CROCC2: variants seen among roughly 807,000 people sequenced by gnomAD.
The protein encoded by CROCC2 is ciliary rootlet coiled-coil protein 2.
A neutral mutation model predicts 177.6 loss-of-function variants in CROCC2; 163 were observed. The observed-to-expected ratio is 0.92, with a 90% CI of 0.81 to 1.05. CROCC2 has a LOEUF of 1.05. Ranked by LOEUF, CROCC2 falls within the 50% of genes least tolerant of loss-of-function variation. CROCC2 has a pLI of 0.00. For synonymous variants in CROCC2, 904 were observed against 787.3 expected, an observed-to-expected ratio of 1.15 and a Z score of -2.48; for missense variants, 1,929 against 1,797.8, an observed-to-expected ratio of 1.07 and a Z score of -1.32.
chr2:240,984,598 C>CCA (rs760104462), intron 28 of CROCC2, among the ~76,000 whole-genome samples: 6 of 24,546 alleles, frequency 2.4e-4, no homozygotes, highest in African/African-American at 1.1e-3. Flanking sequence ...GGCACTCACT[C>CCA]CACACACACC....
At chr2:240,919,902 T>C in intron 2 of CROCC2, 81 bp from the exon 3 acceptor site, 1 of 571,746 alleles carries the variant, frequency 1.7e-6, no homozygotes. Context: ...CAGCCCAGGG[T>C]CCCACCGTGG....
Position 240,907,514 on chromosome 2 carries a change from C to T in CROCC2, c.78+923C>T, listed in dbSNP as rs144706503. Among the ~76,000 whole-genome samples the T allele has an allele frequency of 3.5e-4, 53 of 152,254 alleles. 1 individual carries two copies. The highest frequency in any genetic ancestry group is 8.3e-4 in the South Asian group (4 of 4,826). The stretch of plus-strand genomic sequence containing the variant: ...CTCTTAGCATCTCAAAACTATGCCA[C>T]GGCAGGCTGACATGGCCCTATCCAA... On this transcript the variant is annotated intron_variant, in intron 1 of 31. Coordinates refer to ENST00000690015, the MANE Select transcript of CROCC2 (RefSeq NM_001351305.2).
chr2:240,985,734 ACACACACACCCAGGCAC>A (rs2059836504), intron 28 of CROCC2, among the ~76,000 whole-genome samples: 1 of 106,422 alleles, frequency 9.4e-6, no homozygotes, highest in Admixed American at 9.8e-5. Flanking sequence ...CACTCACTCC[ACACACACACCCAGGCAC>A]TCACTCCACA....
At chr2:240,915,252 A>G (rs1421106393) in intron 1 of CROCC2, among the ~76,000 whole-genome samples, 2 of 152,138 alleles carry the variant, frequency 1.3e-5, no homozygotes, top group African/African-American at 2.4e-5. Flanking sequence ...GCAGCCCTGA[A>G]ACCCCCGGTC....
chr2:240,928,409 G>A (rs975954863), intron 5 of CROCC2, among the ~76,000 whole-genome samples: 5 of 134,638 alleles, frequency 3.7e-5, no homozygotes, highest in African/African-American at 1.5e-4. Flanking sequence ...GCAGGGTCAT[G>A]TGTGCCTGTT....
intron 28 of CROCC2, 81 bp from the exon 29 acceptor site, chr2:240,988,652 AGGCAAC>A: frequency 7.9e-7 from 1 of 1,259,910 alleles, no homozygotes; most frequent in Non-Finnish European, 1.0e-6. Context: ...TCCTTCCCAG[AGGCAAC>A]CCTGTGCTCC....
In CROCC2 at chr2:240,972,629, T is replaced by C. The variant is rs1435783504; in HGVS notation, c.4401+4367T>C. Among the ~76,000 whole-genome samples, 1 of 151,904 alleles carries C rather than the reference T, an allele frequency of 6.6e-6. No individual in the cohort carries two copies. The highest frequency in any genetic ancestry group is 1.5e-5 in the Non-Finnish European group (1 of 68,010). Reference sequence around the variant, plus strand: ...GACATTGACCAGACCTTTGTCTGTATGCATTTTTCTGCTTGGTCTAGAATT... The same window carrying C: ...GACATTGACCAGACCTTTGTCTGTACGCATTTTTCTGCTTGGTCTAGAATT... On this transcript the variant is annotated intron_variant, in intron 27 of 31. Transcript: ENST00000690015. The surrounding 1 kb of genome is among the most constrained non-coding windows in gnomAD (Gnocchi z 7.1).
At position 240,949,167 on chromosome 2, in the gene CROCC2, C is replaced by G; in HGVS notation, c.2482+70C>G. ...ATGGAGGGGCCCCTGGAATGGAGCTCAGTGCCCACACGTGCTGCACCCCCT... is the reference window on the plus strand; with the variant it reads ...ATGGAGGGGCCCCTGGAATGGAGCTGAGTGCCCACACGTGCTGCACCCCCT... On this transcript the variant is annotated intron_variant, in intron 16 of 31. Transcript: ENST00000690015. This position sits in a 1 kb window ranked among gnomAD's most constrained non-coding sequence, Gnocchi z 4.5. 6.8e-7 allele frequency: 1 copy of G among 1,465,032 alleles called. No homozygotes were observed. The highest frequency in any genetic ancestry group is 2.5e-5 in the East Asian group (1 of 40,382). The allele number at this position is 1,465,032 out of a possible 1,614,324, so 90.8% of individuals were successfully genotyped here.
intron 13 of CROCC2, 36 bp downstream of exon 13, chr2:240,935,098 A>C: frequency 7.6e-7 from 1 of 1,323,808 alleles, no homozygotes; most frequent in Non-Finnish European, 9.7e-7. Flanking sequence ...CCTCGCTGGA[A>C]CCTGTTTCCC....
chr2:240,946,050 C>T lies in CROCC2; in HGVS notation c.2170-10C>T. The T allele has an allele frequency of 7.4e-6, 11 of 1,486,902 alleles. No individual in the cohort carries two copies. The highest frequency in any genetic ancestry group is 1.0e-5 in the Non-Finnish European group (11 of 1,103,888). The allele number at this position is 1,486,902 out of a possible 1,614,324, so 92.1% of individuals were successfully genotyped here. On this transcript the variant is annotated splice_polypyrimidine_tract_variant and intron_variant, in intron 14 of 31. Coordinates refer to ENST00000690015, the MANE Select transcript of CROCC2 (RefSeq NM_001351305.2). ...TTCTCTGCCGACTGTCCCCTCCCCACCTCCCCTAGGTCACATGCCAGAAAC... is the reference window on the plus strand; with the variant it reads ...TTCTCTGCCGACTGTCCCCTCCCCATCTCCCCTAGGTCACATGCCAGAAAC...
Position 240,933,858 on chromosome 2 carries a change from C to T in CROCC2, c.1646+6C>T, listed in dbSNP as rs762802138. ...TGCAGGGCACTGGAGACCAGGTGCG[C>T]GGCCGTGGCTGGGTGGGCAGGGCCC... On this transcript the variant is annotated splice_donor_region_variant and intron_variant, in intron 11 of 31. Coordinates refer to ENST00000690015, the MANE Select transcript of CROCC2 (RefSeq NM_001351305.2). The T allele has an allele frequency of 9.7e-5, 149 of 1,541,116 alleles. No individual in the cohort carries two copies. In the Middle Eastern group the frequency reaches 1.6e-3, roughly 17 times the overall value.
intron 26 of CROCC2, 23 bp downstream of exon 26, chr2:240,967,488 G>T: frequency 2.4e-6 from 2 of 824,296 alleles, no homozygotes; most frequent in Non-Finnish European, 3.9e-6. Context: ...GCCCTGCCCC[G>T]CCCACCCTGG....
intron 20 of CROCC2, chr2:240,963,270 T>G: frequency 2.1e-6 from 1 of 465,900 alleles, no homozygotes; most frequent in Non-Finnish European, 3.8e-6. Context: ...TTACCAGTGG[T>G]CAGCGTCCTG....
rs138093751 is a variant in CROCC2 at position 240,927,365 on chromosome 2, G to A, written c.645+1485G>A. On this transcript the variant is annotated intron_variant, in intron 5 of 31. Coordinates refer to ENST00000690015, the MANE Select transcript of CROCC2 (RefSeq NM_001351305.2). ...AAGTCAATATTCTTTAAACATTGCC[G>A]GGGCTCATCATCCATCTCCCCTCCT... Among the ~76,000 whole-genome samples the A allele has an allele frequency of 4.7e-4, 71 of 152,234 alleles. 1 individual carries two copies. In the East Asian group the frequency reaches 0.01, roughly 22 times the overall value.
rs1448407796 is a variant in CROCC2, at chr2:240,960,029, G to A, written c.3087+585G>A. On this transcript the variant is annotated intron_variant, in intron 20 of 31. Transcript: ENST00000690015. This position sits in a 1 kb window ranked among gnomAD's most constrained non-coding sequence, Gnocchi z 5.0. ...CTCCAGGAGTCCAGCCGGCCCCCTC[G>A]TTCCACGCACAGTTAAGAAAGTGGA... is the stretch of plus-strand genomic sequence containing the variant. Among the ~76,000 whole-genome samples, 5 of 152,256 alleles carry A rather than the reference G, an allele frequency of 3.3e-5. No homozygotes were observed. Among genetic ancestry groups the A allele is most frequent in the African/African-American group, 9.6e-5 (4 of 41,474 alleles).
In CROCC2 at chr2:240,958,308, C is replaced by A; in HGVS notation, c.2944-993C>A. The stretch of plus-strand genomic sequence containing the variant: ...GCACCCATCACTGGCAGTGTTGGGG[C>A]ATGCTGAGGCACAGAGCCATGGCCT... On this transcript the variant is annotated intron_variant, in intron 19 of 31. Transcript: ENST00000690015. The surrounding 1 kb of genome is among the most constrained non-coding windows in gnomAD (Gnocchi z 6.7). 1 of 554,768 alleles carries A rather than the reference C, an allele frequency of 1.8e-6. No homozygotes were observed. The highest frequency in any genetic ancestry group is 2.3e-6 in the Non-Finnish European group (1 of 436,224). The allele number at this position is 554,768 out of a possible 1,614,324, so 34.4% of individuals were successfully genotyped here.
intron 20 of CROCC2, among the ~76,000 whole-genome samples, chr2:240,961,165 C>T (rs2059630319): frequency 6.6e-6 from 1 of 152,288 alleles, no homozygotes; most frequent in South Asian, 2.1e-4. Flanking sequence ...GAAACCATAA[C>T]TTTTTCACAA....
At chr2:240,933,530 G>C (rs540891169) in intron 10 of CROCC2, 140 bp from the exon 11 acceptor site, 2 of 1,151,764 alleles carry the variant, frequency 1.7e-6, no homozygotes, top group Non-Finnish European at 2.4e-6. Context: ...CCGCCAGTGA[G>C]ACCCTGTCTG....
At chr2:240,951,086 TCCATCCAC>T (rs1372994144) in intron 18 of CROCC2, among the ~76,000 whole-genome samples, 1 of 151,354 alleles carries the variant, frequency 6.6e-6, no homozygotes, top group Non-Finnish European at 1.5e-5. Flanking sequence ...TCCTCATCCA[TCCATCCAC>T]CCATCCACCT....
Sources: gnomAD v4.1 joint callset for allele counts (sites outside exome capture counted in the v4.1 genomes callset) on GRCh38, gnomAD v4.1.1 for gene constraint, Gnocchi (gnomAD v3.1) non-coding constraint, MANE v1.5 for transcripts, NCBI Gene and HGNC (gene_info 2026-07-23, HGNC 2026-07-21) for gene names.